PTPRH: variants seen among roughly 807,000 people sequenced by gnomAD.
PTPRH encodes the protein receptor-type tyrosine-protein phosphatase H.
In PTPRH, 113 loss-of-function variants were observed where a neutral mutation model predicts 130.2. That is an observed-to-expected ratio of 0.87 (90% confidence interval 0.75 to 1.01). The LOEUF (loss-of-function observed/expected upper bound fraction) is 1.01, where lower values mean the gene tolerates loss of function less well. Among genes scored for constraint, PTPRH ranks in the 50% least tolerant of loss-of-function variants. The pLI, the probability that PTPRH is intolerant of heterozygous loss-of-function variation, is 0.00. For synonymous variants in PTPRH, 556 were observed against 577.9 expected, an observed-to-expected ratio of 0.96 and a Z score of 0.54; for missense variants, 1,430 against 1,425.0, an observed-to-expected ratio of 1.00 and a Z score of -0.06.
intron 7 of PTPRH, 101 bp downstream of exon 7, chr19:55,200,135 G>T (rs567888662): frequency 6.0e-6 from 8 of 1,330,888 alleles, no homozygotes; most frequent in Non-Finnish European, 8.3e-6. Flanking sequence ...TGTCTGCAGA[G>T]CCTACGGACT....
rs151123568 is a variant in PTPRH, at chr19:55,191,725, G to A, written c.2274C>T (p.Ala758=). The change falls in exon 11 of 20, where the codon GCC becomes GCT. Residue 758 remains alanine, a synonymous_variant. Coordinates refer to ENST00000376350, the MANE Select transcript of PTPRH (RefSeq NM_002842.5). ...HTESAGVIAG[A]FVGILLFLIL... is the part of the protein sequence containing the mutation. ...TGAGAAACAGGAGGATGCCCACAAA[G>A]GCTCCGGCAATGACCCCTGTGGGGA... 73 of 1,614,014 alleles carry A rather than the reference G, an allele frequency of 4.5e-5. No individual in the cohort carries two copies. The African/African-American group carries it at 8.8e-4, about 19-fold the overall frequency.
chr19:55,199,601 T>C (rs2086791840), intron 7 of PTPRH, among the ~76,000 whole-genome samples: 1 of 142,548 alleles, frequency 7.0e-6, no homozygotes, highest in African/African-American at 2.6e-5. Context: ...GAAAACTCTG[T>C]CTCAAGAAAG....
Position 55,196,714 on chromosome 19 carries a change from G to A in PTPRH, c.2065C>T (p.Pro689Ser). Residue 689 changes from proline (P) to serine (S), a missense_variant, in exon 10 of 20, where the codon CCC becomes TCC. Pro to Ser is a moderately conservative substitution (Grantham distance 74, BLOSUM62 -1). Transcript: ENST00000376350. ...TCAAAGGCCTCGTAGCCTCCCTGGGGGCAGGACCAGATCAAGTTGACTCCA... is the reference window on the plus strand; with the variant it reads ...TCAAAGGCCTCGTAGCCTCCCTGGGAGCAGGACCAGATCAAGTTGACTCCA... ...GYGVNLIWSC[P>S]QGGYEAFELE... 6.2e-7 allele frequency: 1 copy of A among 1,614,008 alleles called. No individual in the cohort carries two copies. The highest frequency in any genetic ancestry group is 8.5e-7 in the Non-Finnish European group (1 of 1,180,014).
At position 55,186,509 on chromosome 19, in the gene PTPRH, G is replaced by C. The variant is rs1469212724; in HGVS notation, c.2598C>G (p.Ile866Met). Reference protein sequence around the residue: ...YDWSRVPLKPIHEEPGSDYIN... With the variant: ...YDWSRVPLKPMHEEPGSDYIN... ...TGTAGTCAGAGCCTGGCTCCTCATG[G>C]ATGGGCTTCAGGGGCACCCGGGACC... Residue 866 changes from isoleucine to methionine, a missense_variant, in exon 15 of 20, where the codon ATC becomes ATG. Ile to Met is a conservative substitution (Grantham distance 10). Transcript: ENST00000376350. 1.1e-5 allele frequency: 17 copies of C among 1,614,134 alleles called. No individual in the cohort carries two copies. Among genetic ancestry groups the C allele is most frequent in the Non-Finnish European group, 1.4e-5 (17 of 1,179,988 alleles).
At chr19:55,188,981 C>T (rs2086447096) in intron 12 of PTPRH, among the ~76,000 whole-genome samples, 1 of 152,100 alleles carries the variant, frequency 6.6e-6, no homozygotes, top group South Asian at 2.1e-4. Flanking sequence ...GTTTCACTTT[C>T]TTTCTTTTTC....
At chr19:55,200,098 T>C (rs961226377) in intron 7 of PTPRH, 138 bp downstream of exon 7, 4 of 1,010,586 alleles carry the variant, frequency 4.0e-6, no homozygotes, top group Non-Finnish European at 5.7e-6. Flanking sequence ...TGTGATTACA[T>C]CTGTCCTGTG....
chr19:55,203,325 T>C (rs1428696917), intron 5 of PTPRH, among the ~76,000 whole-genome samples: 4 of 63,148 alleles, frequency 6.3e-5, no homozygotes, highest in African/African-American at 3.3e-4. Context: ...AGACTCTGTC[T>C]CAAAAAAAAA....
chr19:55,207,265 G>T (rs547492240), intron 1 of PTPRH, 66 bp from the exon 2 acceptor site: 558 of 1,552,752 alleles, frequency 3.6e-4, no homozygotes, highest in Non-Finnish European at 4.6e-4. Flanking sequence ...GAGGCCGAGG[G>T]GCTGGGAGGA....
intron 8 of PTPRH, 125 bp downstream of exon 8, chr19:55,198,518 C>T: frequency 9.2e-7 from 1 of 1,082,720 alleles, no homozygotes; most frequent in Non-Finnish European, 1.2e-6. Flanking sequence ...CAGGTTTAAG[C>T]TCCGGCCGGT....
chr19:55,185,105 C>G (rs2086280945), intron 18 of PTPRH, among the ~76,000 whole-genome samples: 2 of 151,912 alleles, frequency 1.3e-5, no homozygotes, highest in Non-Finnish European at 2.9e-5. Flanking sequence ...AGTGATTCTC[C>G]TGCCTCAGCC....
At chr19:55,181,973 G>A (rs372397645) in intron 19 of PTPRH, 43 bp downstream of exon 19, 14 of 1,613,392 alleles carry the variant, frequency 8.7e-6, no homozygotes, top group African/African-American at 8.0e-5. Flanking sequence ...AGGGTCCCTC[G>A]TCCCACTGCC....
intron 12 of PTPRH, chr19:55,189,624 G>A: frequency 2.2e-6 from 1 of 453,580 alleles, no homozygotes; most frequent in South Asian, 1.6e-5. Flanking sequence ...ACTTGCGTAG[G>A]CCTGTACTCA....
chr19:55,200,439 CAGCATAGGGCG>C lies in PTPRH; in HGVS notation c.1206_1216del (p.Ile402MetfsTer38). 1 of 1,614,160 alleles carries C rather than the reference CAGCATAGGGCG, an allele frequency of 6.2e-7. No homozygotes were observed. The highest frequency in any genetic ancestry group is 8.5e-7 in the Non-Finnish European group (1 of 1,180,034). On this transcript the variant is annotated frameshift_variant, in exon 7 of 20. Coordinates refer to ENST00000376350, the MANE Select transcript of PTPRH (RefSeq NM_002842.5). LOFTEE classifies it high-confidence loss of function. ...AGGGTATGGGCCATCGGGGACTTCCCAGCATAGGGCGATGGAGCTGTTGGTCTGAGTCTCCA... is the reference window on the plus strand; with the variant it reads ...AGGGTATGGGCCATCGGGGACTTCCCATGGAGCTGTTGGTCTGAGTCTCCA...
chr19:55,181,987 C>A (rs775147734), intron 19 of PTPRH, 29 bp downstream of exon 19: 2 of 1,613,918 alleles, frequency 1.2e-6, no homozygotes. Flanking sequence ...CACTGCCTCC[C>A]GTCCTGTGTT....
rs555193904 is a variant in PTPRH at position 55,206,569 on chromosome 19, G to T, written c.352+120C>A. On this transcript the variant is annotated intron_variant, in intron 3 of 19. Coordinates refer to ENST00000376350, the MANE Select transcript of PTPRH (RefSeq NM_002842.5). ...GCTGATAGAAAATTGAAATTCTCACGTGTGGCTTCCACTGTGTTTCTATCC... is the reference window on the plus strand; with the variant it reads ...GCTGATAGAAAATTGAAATTCTCACTTGTGGCTTCCACTGTGTTTCTATCC... 4.8e-6 allele frequency: 5 copies of T among 1,039,082 alleles called. No homozygotes were observed. In the African/African-American group the frequency reaches 8.1e-5, roughly 17 times the overall value. 64.4% of individuals were successfully genotyped at this position (1,039,082 alleles called of 1,614,324 possible). A position where few individuals can be genotyped will look rare whatever the true frequency, so the allele number is the denominator to read the frequency against.
At chr19:55,204,527 A>G (rs981801320) in intron 4 of PTPRH, among the ~76,000 whole-genome samples, 2 of 152,052 alleles carry the variant, frequency 1.3e-5, no homozygotes, top group African/African-American at 4.8e-5. Context: ...CTCACAGGGG[A>G]CCTTGTGAAA....
intron 12 of PTPRH, among the ~76,000 whole-genome samples, chr19:55,188,390 G>A (rs1350660760): frequency 6.6e-6 from 1 of 152,150 alleles, no homozygotes; most frequent in African/African-American, 2.4e-5. Context: ...TTGCACGCCT[G>A]TAGTCCCAAC....
rs202145164 is a variant in PTPRH at position 55,200,332 on chromosome 19, C to A, written c.1324G>T (p.Ala442Ser). The change falls in exon 7 of 20, where the codon GCT (alanine) becomes TCT (serine). Residue 442 changes from alanine to serine, a missense_variant. Transcript: ENST00000376350. ...TRNTTNTSVTAERLEPGTLYT... is the reference protein window; with the variant it reads ...TRNTTNTSVTSERLEPGTLYT... ...AAGGTTCCGGGCTCAAGTCTCTCAGCTGTCACACTGGTATTTGTTGTGTTT... is the reference window on the plus strand; with the variant it reads ...AAGGTTCCGGGCTCAAGTCTCTCAGATGTCACACTGGTATTTGTTGTGTTT... 2 of 1,614,092 alleles carry A rather than the reference C, an allele frequency of 1.2e-6. No homozygotes were observed. The highest frequency in any genetic ancestry group is 1.7e-6 in the Non-Finnish European group (2 of 1,180,054).
intron 15 of PTPRH, 40 bp downstream of exon 15, chr19:55,186,424 G>A (rs1747743967): frequency 6.2e-7 from 1 of 1,613,810 alleles, no homozygotes; most frequent in African/African-American, 1.3e-5. Flanking sequence ...TATCTCTCCA[G>A]GCGTGCTGGG....
Sources: allele counts gnomAD v4.1 joint callset (sites outside exome capture counted in the v4.1 genomes callset), GRCh38; gene constraint gnomAD v4.1.1; transcripts MANE v1.5; gene names NCBI Gene and HGNC (gene_info 2026-07-23, HGNC 2026-07-21).